Variants in SCN4A observed in about 807,000 individuals in gnomAD.
SCN4A encodes the protein sodium voltage-gated channel alpha subunit 4.
SCN4A carries 83 observed loss-of-function variants against 162.0 expected under a neutral mutation model. The ratio of observed to expected loss-of-function variants is 0.51; its 90% CI spans 0.43 to 0.61. The LOEUF (loss-of-function observed/expected upper bound fraction) is 0.61, where lower values mean the gene tolerates loss of function less well. Among genes scored for constraint, SCN4A ranks in the 20% least tolerant of loss-of-function variants. The pLI is 0.00. For missense variants in SCN4A, 2,196 were observed against 2,462.5 expected (o/e 0.89, Z 2.29); for synonymous variants, 944 against 985.1 (o/e 0.96, Z 0.78).
Position 63,947,884 on chromosome 17 carries a change from A to G in SCN4A, c.3318+6T>C, listed in dbSNP as rs981437343. ...GTAGCTACGGGGCCAGCGTGGGGGG[A>G]CTCACATCCACGATGAGGAAGTCGA... On this transcript the variant is annotated splice_donor_region_variant and intron_variant, in intron 17 of 23. Transcript: ENST00000435607. 3 of 1,612,356 alleles carry G rather than the reference A, an allele frequency of 1.9e-6. No individual in the cohort carries two copies. The African/African-American group carries it at 4.0e-5, about 22-fold the overall frequency.
chr17:63,949,271 G>A (rs1908828038), intron 15 of SCN4A, 122 bp downstream of exon 15: 9 of 1,054,304 alleles, frequency 8.5e-6, no homozygotes, highest in Non-Finnish European at 9.4e-6. Context: ...CCCTAGACAC[G>A]TGAGGCACGG....
At chr17:63,942,045 A>G in intron 23 of SCN4A, 52 bp from the exon 24 acceptor site, 2 of 1,499,040 alleles carry the variant, frequency 1.3e-6, no homozygotes, top group Non-Finnish European at 1.8e-6. Context: ...GGGCCGGCAC[A>G]GGGTGTGGGG....
At chr17:63,957,077 G>A in intron 13 of SCN4A, 85 bp downstream of exon 13, 2 of 910,876 alleles carry the variant, frequency 2.2e-6, no homozygotes, top group Non-Finnish European at 3.4e-6. Flanking sequence ...AGGATGTGTT[G>A]GGGAGATAGA....
At chr17:63,965,928 G>A (rs1390155433) in intron 8 of SCN4A, among the ~76,000 whole-genome samples, 174 bp downstream of exon 8, 1 of 152,218 alleles carries the variant, frequency 6.6e-6, no homozygotes, top group Non-Finnish European at 1.5e-5. Flanking sequence ...CTCGGGGCAG[G>A]TGTCTAGTTT....
rs1555601991 is a variant in SCN4A, at chr17:63,949,435, C to T, written c.2947G>A (p.Glu983Lys). The change falls in exon 15 of 24, where the codon GAG becomes AAG. Residue 983 changes from glutamate (E) to lysine (K), a missense_variant. Glu to Lys is a moderately conservative substitution (Grantham distance 56). Transcript: ENST00000435607. ...TCAGGCTGCTCCCCCTCGGGGTTCT[C>T]CTCTGCCTGCTCCTCAGGGTCCTCC... Reference protein sequence around the residue: ...PEEDPEEQAEENPEGEQPEEC... With the variant: ...PEEDPEEQAEKNPEGEQPEEC... 2.5e-6 allele frequency: 4 copies of T among 1,603,190 alleles called. No homozygotes were observed. The highest frequency in any genetic ancestry group is 2.6e-6 in the Non-Finnish European group (3 of 1,174,600).
At position 63,951,349 on chromosome 17, in the gene SCN4A, G is replaced by C. The variant is rs1016152280; in HGVS notation, c.2853+75C>G. 1.9e-6 allele frequency: 2 copies of C among 1,029,494 alleles called. No homozygotes were observed. Among genetic ancestry groups the C allele is most frequent in the East Asian group, 2.5e-5 (1 of 40,746 alleles). The allele number at this position is 1,029,494 out of a possible 1,614,324, so 63.8% of individuals were successfully genotyped here. On this transcript the variant is annotated intron_variant, in intron 14 of 23. Coordinates refer to ENST00000435607, the MANE Select transcript of SCN4A (RefSeq NM_000334.4). The surrounding 1 kb of genome is among the most constrained non-coding windows in gnomAD (Gnocchi z 4.5). ...TTACAGCTGGAGAAACTGAGGCTCAGAGAGGACTTAGGGCTTGCTCCAGGT... is the reference window on the plus strand; with the variant it reads ...TTACAGCTGGAGAAACTGAGGCTCACAGAGGACTTAGGGCTTGCTCCAGGT...
In SCN4A at chr17:63,967,413, A is replaced by C. The variant is rs184343480; in HGVS notation, c.1036+610T>G. On this transcript the variant is annotated intron_variant, in intron 6 of 23. Coordinates refer to ENST00000435607, the MANE Select transcript of SCN4A (RefSeq NM_000334.4). ...GGTGATCTGCCTGCCTCGCCCTCCCAAAGTGCTGGGATTACAGGCGTGAGC... is the reference window on the plus strand; with the variant it reads ...GGTGATCTGCCTGCCTCGCCCTCCCCAAGTGCTGGGATTACAGGCGTGAGC... Among the ~76,000 whole-genome samples, 244 of 152,126 alleles carry C rather than the reference A, an allele frequency of 1.6e-3. 5 individuals are homozygous for C. The East Asian group carries it at 0.041, about 26-fold the overall frequency.
intron 13 of SCN4A, among the ~76,000 whole-genome samples, chr17:63,954,977 C>T (rs951407737): frequency 2.6e-5 from 4 of 152,158 alleles, no homozygotes; most frequent in East Asian, 1.9e-4. Flanking sequence ...CATGAACCAG[C>T]GCGCCCCTCA....
chr17:63,953,381 A>C (rs548140342), intron 13 of SCN4A, among the ~76,000 whole-genome samples: 9 of 152,054 alleles, frequency 5.9e-5, no homozygotes, highest in Non-Finnish European at 1.3e-4. Context: ...AAACAAAAAA[A>C]CAAAAAACAA....
In SCN4A at chr17:63,940,846, G is replaced by A. The variant is rs377620682; in HGVS notation, c.5436C>T (p.Pro1812=). The A allele has an allele frequency of 1.9e-6, 3 of 1,611,850 alleles. No homozygotes were observed. Among genetic ancestry groups the A allele is most frequent in the East Asian group, 4.5e-5 (2 of 44,846 alleles). The change falls in exon 24 of 24, where the codon CCC becomes CCT. Residue 1812 remains proline (P), a synonymous_variant. Transcript: ENST00000435607. The part of the protein sequence containing the change: ...GPTMGLMPIS[P]SDTAWPPAPP... ...GGGCGGGAGGCCAGGCAGTGTCTGAGGGGCTGATGGGCATCAGCCCCATAG... is the reference window on the plus strand; with the variant it reads ...GGGCGGGAGGCCAGGCAGTGTCTGAAGGGCTGATGGGCATCAGCCCCATAG...
Position 63,972,362 on chromosome 17 carries a change from G to C in SCN4A, c.382C>G (p.Leu128Val), listed in dbSNP as rs373495836. 2 of 1,613,650 alleles carry C rather than the reference G, an allele frequency of 1.2e-6. No individual in the cohort carries two copies. Among genetic ancestry groups the C allele is most frequent in the Non-Finnish European group, 1.7e-6 (2 of 1,179,712 alleles). ...TCTTGGGCAGGATATGCATGGATGA[G>C]CACCTTGATGGCCCCGCGCCTGACT... ...SVVRRGAIKVLIHALFSMFIM... is the reference protein window; with the variant it reads ...SVVRRGAIKVVIHALFSMFIM... The change falls in exon 2 of 24, where the codon CTC becomes GTC. Residue 128 changes from leucine to valine, a missense_variant. Transcript: ENST00000435607. This position sits in a 1 kb window ranked among gnomAD's most constrained non-coding sequence, Gnocchi z 4.3.
At position 63,963,819 on chromosome 17, in the gene SCN4A, C is replaced by A; in HGVS notation, c.1459G>T (p.Ala487Ser). 1 of 1,599,816 alleles carries A rather than the reference C, an allele frequency of 6.3e-7. No homozygotes were observed. The highest frequency in any genetic ancestry group is 2.3e-5 in the East Asian group (1 of 44,262). Residue 487 changes from alanine (A) to serine (S), a missense_variant, in exon 10 of 24, where the codon GCC becomes TCC. Transcript: ENST00000435607. ...TCCCCACCTTCCAGAGCTTGGGCGG[C>A]CTTGGCCTGTAGACCAGCAAGAGTG... is the stretch of plus-strand genomic sequence containing the variant. ...KHQEELEKAK[A>S]AQALEGGEAD...
At chr17:63,947,214 TC>T (rs749344922) in intron 17 of SCN4A, 47 bp from the exon 18 acceptor site, 2 of 1,609,350 alleles carry the variant, frequency 1.2e-6, no homozygotes, top group Non-Finnish European at 8.5e-7. Context: ...GCCCCCAGCC[TC>T]CCCTCAAGCC....
intron 13 of SCN4A, among the ~76,000 whole-genome samples, chr17:63,953,293 G>C (rs565807091): frequency 4.1e-4 from 63 of 152,090 alleles, no homozygotes; most frequent in Middle Eastern, 6.8e-3. Flanking sequence ...CCGGGAGGTG[G>C]AGGTTGCAGT....
In SCN4A at chr17:63,962,239, C is replaced by T. The variant is rs1055373790; in HGVS notation, c.1607-808G>A. On this transcript the variant is annotated intron_variant, in intron 10 of 23. Transcript: ENST00000435607. ...GCCACTGCAGGGGCTTGGGTTCCAG[C>T]CCCATGAGCTGCTGGCTAGTGCAAC... Among the ~76,000 whole-genome samples the T allele has an allele frequency of 1.2e-3, 187 of 152,316 alleles. 1 individual carries two copies. The highest frequency in any genetic ancestry group is 4.5e-3 in the African/African-American group (185 of 41,562).
rs758381788 is a variant in SCN4A, at chr17:63,941,073, C to T, written c.5209G>A (p.Ala1737Thr). The T allele has an allele frequency of 6.2e-7, 1 of 1,613,968 alleles. No homozygotes were observed. The highest frequency in any genetic ancestry group is 1.1e-5 in the South Asian group (1 of 91,084). ...CGCTGTAGCAGGTGCCGGCGGTAGGCCCTCTGGATCTTGATGGCGCACACC... is the reference window on the plus strand; with the variant it reads ...CGCTGTAGCAGGTGCCGGCGGTAGGTCCTCTGGATCTTGATGGCGCACACC... Reference protein sequence around the residue: ...EEVCAIKIQRAYRRHLLQRSM... With the variant: ...EEVCAIKIQRTYRRHLLQRSM... The change falls in exon 24 of 24, where the codon GCC becomes ACC. Residue 1737 changes from alanine (A) to threonine (T), a missense_variant. Ala to Thr is a moderately conservative substitution (Grantham distance 58). Coordinates refer to ENST00000435607, the MANE Select transcript of SCN4A (RefSeq NM_000334.4). This position sits in a 1 kb window ranked among gnomAD's most constrained non-coding sequence, Gnocchi z 6.2.
Position 63,945,289 on chromosome 17 carries a change from G to A in SCN4A, c.3720+71C>T. ...TAACCAGGAGTGACACTGGGGTTGG[G>A]TACAACGAGAGGACCGGGGTGGGGG... On this transcript the variant is annotated intron_variant, in intron 19 of 23. Transcript: ENST00000435607. The surrounding 1 kb of genome is among the most constrained non-coding windows in gnomAD (Gnocchi z 4.4). 2 of 1,288,916 alleles carry A rather than the reference G, an allele frequency of 1.6e-6. No individual in the cohort carries two copies. The highest frequency in any genetic ancestry group is 1.3e-5 in the South Asian group (1 of 74,244). The allele number at this position is 1,288,916 out of a possible 1,614,324, so 79.8% of individuals were successfully genotyped here. A position where few individuals can be genotyped will look rare whatever the true frequency, so the allele number is the denominator to read the frequency against.
At position 63,944,465 on chromosome 17, in the gene SCN4A, T is replaced by C. The variant is rs993733873; in HGVS notation, c.3912+208A>G. 2.0e-5 allele frequency among the ~76,000 whole-genome samples: 3 copies of C among 152,144 alleles called. No individual in the cohort carries two copies. The highest frequency in any genetic ancestry group is 7.2e-5 in the African/African-American group (3 of 41,430). ...CACCGTGCCTGGCCCAGCAGTCTCATTTTACAGATAAGGACACCGAGGTTC... is the reference window on the plus strand; with the variant it reads ...CACCGTGCCTGGCCCAGCAGTCTCACTTTACAGATAAGGACACCGAGGTTC... On this transcript the variant is annotated intron_variant, in intron 21 of 23. Transcript: ENST00000435607. This position sits in a 1 kb window ranked among gnomAD's most constrained non-coding sequence, Gnocchi z 4.3.
At chr17:63,949,362 G>C (rs1240604092) in intron 15 of SCN4A, 31 bp downstream of exon 15, 4 of 1,547,568 alleles carry the variant, frequency 2.6e-6, no homozygotes, top group Middle Eastern at 1.7e-4. Context: ...GCCTGGGGGA[G>C]ACACCCAGAT....
Sources: gnomAD v4.1 joint callset for allele counts (sites outside exome capture counted in the v4.1 genomes callset) on GRCh38, gnomAD v4.1.1 for gene constraint, Gnocchi (gnomAD v3.1) non-coding constraint, MANE v1.5 for transcripts, NCBI Gene and HGNC (gene_info 2026-07-23, HGNC 2026-07-21) for gene names.